The following STAU2 variants were observed in gnomAD, a reference collection of about 807,000 sequenced individuals.
STAU2 encodes the protein double-stranded RNA-binding protein Staufen homolog 2.
In STAU2, 20 loss-of-function variants were observed where a neutral mutation model predicts 65.9. The observed-to-expected ratio is 0.30, with a 90% CI of 0.21 to 0.44. The LOEUF (loss-of-function observed/expected upper bound fraction) is 0.44, where lower values mean the gene tolerates loss of function less well. Among genes scored for constraint, STAU2 ranks in the 20% least tolerant of loss-of-function variants. The pLI, the probability that STAU2 is intolerant of heterozygous loss-of-function variation, is 1.00. For synonymous variants in STAU2, 232 were observed against 233.9 expected (o/e 0.99, Z 0.07); for missense variants, 558 against 683.9 (o/e 0.82, Z 2.05).
intron 13 of STAU2, among the ~76,000 whole-genome samples, chr8:73,433,093 T>C (rs1817420836): frequency 6.6e-6 from 1 of 152,254 alleles, no homozygotes; most frequent in Non-Finnish European, 1.5e-5. Context: ...GCACAGAATG[T>C]GTTCTGTGCT....
In STAU2 at chr8:73,475,296, C is replaced by G. The variant is rs75737739; in HGVS notation, c.1531-52594G>C. On this transcript the variant is annotated intron_variant, in intron 13 of 14. Transcript: ENST00000524300. ...AAGTTTTTCAAAAAAAATGGAGCAG[C>G]CTTCTAAGTTGGCAGGATTCAGTTA... Among the ~76,000 whole-genome samples the G allele has an allele frequency of 7.4e-3, 1,119 of 152,220 alleles. 14 individuals are homozygous for G. The highest frequency in any genetic ancestry group is 0.026 in the African/African-American group (1,076 of 41,512).
At chr8:73,605,929 T>C (rs1343609799) in intron 9 of STAU2, among the ~76,000 whole-genome samples, 1 of 142,988 alleles carries the variant, frequency 7.0e-6, no homozygotes, top group Non-Finnish European at 1.5e-5. Context: ...GGTCACATGA[T>C]TTTCAACAAA....
intron 10 of STAU2, among the ~76,000 whole-genome samples, chr8:73,598,292 A>G (rs1811357963): frequency 6.6e-6 from 1 of 150,706 alleles, no homozygotes; most frequent in African/African-American, 2.5e-5. Flanking sequence ...CAGTGGCACA[A>G]TCTCGGCTCA....
chr8:73,741,260 G>A lies in STAU2; in HGVS notation c.-196-1392C>T, dbSNP rs1437708634. Among the ~76,000 whole-genome samples, 5 of 134,826 alleles carry A rather than the reference G, an allele frequency of 3.7e-5. No individual in the cohort carries two copies. The East Asian group carries it at 7.4e-4, about 20-fold the overall frequency. The allele number at this position is 134,826 out of a possible 152,430, so 88.5% of individuals were successfully genotyped here. ...GCGGAGCTTGCAGTGAGCCAAGATC[G>A]CGCCACTGCACTCCAGCCTGGGCGA... On this transcript the variant is annotated intron_variant, in intron 1 of 14. Coordinates refer to ENST00000524300, the MANE Select transcript of STAU2 (RefSeq NM_001164380.2).
intron 12 of STAU2, 21 bp from the exon 13 acceptor site, chr8:73,552,340 ACT>A (rs755306924): frequency 1.9e-6 from 3 of 1,586,114 alleles, no homozygotes; most frequent in African/African-American, 2.7e-5. Context: ...AATGAAGAAC[ACT>A]GTTATTACAC....
At chr8:73,647,391 A>T (rs887286645) in intron 6 of STAU2, among the ~76,000 whole-genome samples, 1 of 152,218 alleles carries the variant, frequency 6.6e-6, no homozygotes, top group African/African-American at 2.4e-5. Context: ...TCAAAAACAT[A>T]GAATACTATT....
intron 13 of STAU2, among the ~76,000 whole-genome samples, chr8:73,540,790 T>C (rs929214190): frequency 7.9e-5 from 12 of 151,880 alleles, no homozygotes; most frequent in African/African-American, 2.9e-4. Flanking sequence ...CCTGGAAAGA[T>C]CAAAATGTAT....
intron 13 of STAU2, among the ~76,000 whole-genome samples, chr8:73,502,833 A>AT (rs1043617114): frequency 1.5e-4 from 23 of 152,038 alleles, no homozygotes; most frequent in South Asian, 2.1e-4. Flanking sequence ...TTTTATACAC[A>AT]TTTTAAAATC....
chr8:73,718,162 T>C (rs1007465324), intron 3 of STAU2, among the ~76,000 whole-genome samples: 3 of 152,238 alleles, frequency 2.0e-5, no homozygotes, highest in African/African-American at 7.2e-5. Context: ...TCATGTTTTA[T>C]GTGTTTCTGT....
intron 3 of STAU2, among the ~76,000 whole-genome samples, chr8:73,717,992 C>T (rs542718438): frequency 6.6e-6 from 1 of 152,152 alleles, no homozygotes; most frequent in South Asian, 2.1e-4. Flanking sequence ...TTGAGTATTC[C>T]AACCCATGAA....
At chr8:73,741,928 A>G (rs954267652) in intron 1 of STAU2, among the ~76,000 whole-genome samples, 2 of 152,248 alleles carry the variant, frequency 1.3e-5, no homozygotes, top group African/African-American at 4.8e-5. Flanking sequence ...TTTTCTTTAC[A>G]ATATAAAGAG....
chr8:73,717,425 T>A (rs549482731), intron 3 of STAU2, among the ~76,000 whole-genome samples: 8 of 152,346 alleles, frequency 5.3e-5, no homozygotes, highest in Admixed American at 3.9e-4. Context: ...CCAGAAGCCA[T>A]TTTGAGTTAG....
intron 11 of STAU2, among the ~76,000 whole-genome samples, chr8:73,585,493 T>G (rs1256308799): frequency 6.6e-6 from 1 of 152,204 alleles, no homozygotes; most frequent in Non-Finnish European, 1.5e-5. Context: ...AACATGTATA[T>G]ATTATACAAT....
chr8:73,590,450 C>A (rs990022123), intron 11 of STAU2: 1 of 152,028 alleles, frequency 6.6e-6, no homozygotes, highest in African/African-American at 2.4e-5. Flanking sequence ...CTAAAAGAAA[C>A]AGGAAACCCA....
At chr8:73,634,609 C>T (rs937084590) in intron 6 of STAU2, among the ~76,000 whole-genome samples, 2 of 152,206 alleles carry the variant, frequency 1.3e-5, no homozygotes, top group Non-Finnish European at 2.9e-5. Flanking sequence ...CCTACAAGGC[C>T]TTACATAAAT....
intron 11 of STAU2, among the ~76,000 whole-genome samples, chr8:73,587,096 T>G: frequency 6.6e-6 from 1 of 151,962 alleles, no homozygotes; most frequent in East Asian, 1.9e-4. Flanking sequence ...AAGAGAAGGG[T>G]AAAAGTTTCA....
chr8:73,420,545 C>T lies in STAU2; in HGVS notation c.*827G>A, dbSNP rs192977182. ...CAAGTCCAGAGGCAGTTACAAAAAA[C>T]ACTCTTGATGCAAACCGTGAGTGGC... On this transcript the variant is annotated 3_prime_UTR_variant, in exon 15 of 15. Transcript: ENST00000524300. The T allele has an allele frequency of 1.1e-4, 25 of 221,838 alleles. No individual in the cohort carries two copies. Among genetic ancestry groups the T allele is most frequent in the Non-Finnish European group, 2.1e-4 (22 of 106,744 alleles). The allele number at this position is 221,838 out of a possible 1,614,324, so 13.7% of individuals were successfully genotyped here.
chr8:73,458,240 T>C (rs554766754), intron 13 of STAU2, among the ~76,000 whole-genome samples: 30 of 152,368 alleles, frequency 2.0e-4, no homozygotes, highest in Middle Eastern at 3.4e-3. Context: ...GTTTTCACCA[T>C]TATGATTTTC....
At position 73,571,298 on chromosome 8, in the gene STAU2, G is replaced by A. The variant is rs561479173; in HGVS notation, c.1222+11472C>T. Among the ~76,000 whole-genome samples the A allele has an allele frequency of 9.9e-5, 15 of 152,134 alleles. No homozygotes were observed. In the South Asian group the frequency reaches 1.0e-3, roughly 10 times the overall value. ...TTAGACTCCCACACAATAATAATGGGAGACTTTAAACACCCCACTGTCAAC... is the reference window on the plus strand; with the variant it reads ...TTAGACTCCCACACAATAATAATGGAAGACTTTAAACACCCCACTGTCAAC... On this transcript the variant is annotated intron_variant, in intron 12 of 14. Coordinates refer to ENST00000524300, the MANE Select transcript of STAU2 (RefSeq NM_001164380.2).
Sources: allele counts gnomAD v4.1 joint callset (sites outside exome capture counted in the v4.1 genomes callset), GRCh38; gene constraint gnomAD v4.1.1; transcripts MANE v1.5; gene names NCBI Gene and HGNC (gene_info 2026-07-23, HGNC 2026-07-21).